The following ZDHHC15 variants were observed in gnomAD, a reference collection of about 807,000 sequenced individuals.
ZDHHC15 encodes the protein zDHHC palmitoyltransferase 15.
In ZDHHC15, 19 loss-of-function variants were observed where a neutral mutation model predicts 31.7. The observed-to-expected ratio is 0.60, with a 90% CI of 0.42 to 0.88. ZDHHC15 has a LOEUF of 0.88. Ranked by LOEUF, ZDHHC15 falls within the 40% of genes least tolerant of loss-of-function variation. The pLI is 0.00. For synonymous variants in ZDHHC15, 103 were observed against 90.0 expected (o/e 1.14, Z -0.82); for missense variants, 209 against 251.2 (o/e 0.83, Z 1.14).
At chrX:75,403,491 G>C (rs2083379334) in intron 10 of ZDHHC15, among the ~76,000 whole-genome samples, 1 of 111,628 alleles carries the variant, frequency 9.0e-6, no homozygotes, top group Non-Finnish European at 1.9e-5. Context: ...CCATAGTCTT[G>C]GCCAAAAGCT....
At chrX:75,470,096 C>T (rs1290067825) in intron 3 of ZDHHC15, among the ~76,000 whole-genome samples, 1 of 111,269 alleles carries the variant, frequency 9.0e-6, no homozygotes, top group African/African-American at 3.3e-5. Flanking sequence ...AAGGCTGCTG[C>T]CAAAGGAGAT....
intron 10 of ZDHHC15, among the ~76,000 whole-genome samples, chrX:75,395,981 T>C (rs758013054): frequency 8.9e-6 from 1 of 112,365 alleles, no homozygotes; most frequent in Non-Finnish European, 1.9e-5. Flanking sequence ...TCTTTCCATA[T>C]ATAAAAGTCA....
intron 2 of ZDHHC15, among the ~76,000 whole-genome samples, chrX:75,480,588 T>C (rs1321526028): frequency 9.0e-6 from 1 of 111,258 alleles, no homozygotes; most frequent in Non-Finnish European, 1.9e-5. Context: ...CACAAAGCCA[T>C]GACTTTGTTG....
rs542944485 is a variant in ZDHHC15 at position 75,427,020 on chromosome X, A to G, written c.603+2058T>C. On this transcript the variant is annotated intron_variant, in intron 7 of 11. Transcript: ENST00000373367. ...GAAAGTGCTTCAAAAACTGTAAAGT[A>G]CCATACAAATGAAGGTTGCTATTGA... Among the ~76,000 whole-genome samples the G allele has an allele frequency of 2.0e-4, 22 of 112,224 alleles. No individual in the cohort carries two copies. In the South Asian group the frequency reaches 7.0e-3, roughly 36 times the overall value.
At chrX:75,446,284 G>A (rs1208812735) in intron 4 of ZDHHC15, among the ~76,000 whole-genome samples, 4 of 111,615 alleles carry the variant, frequency 3.6e-5, no homozygotes, top group Non-Finnish European at 5.6e-5. Flanking sequence ...GCTAAAACAC[G>A]ATGAAAAGGT....
intron 1 of ZDHHC15, among the ~76,000 whole-genome samples, chrX:75,519,031 T>C (rs2085408841): frequency 9.2e-6 from 1 of 108,216 alleles, no homozygotes; most frequent in African/African-American, 3.4e-5. Context: ...GATTAATAAT[T>C]GGCTAGGACT....
In ZDHHC15 at chrX:75,431,525, A is replaced by T; in HGVS notation, c.380-5T>A. 1 of 628,767 alleles carries T rather than the reference A, an allele frequency of 1.6e-6. No individual in the cohort carries two copies. Among genetic ancestry groups the T allele is most frequent in the Non-Finnish European group, 2.2e-6 (1 of 453,427 alleles). 51.8% of individuals were successfully genotyped at this position (628,767 alleles called of 1,213,427 possible). A position where few individuals can be genotyped will look rare whatever the true frequency, so the allele number is the denominator to read the frequency against. ...ACCGGTCACAGAATCGTACAGCTATAAAAAAAAAAATAAGGTGGTTAGCAC... is the reference window on the plus strand; with the variant it reads ...ACCGGTCACAGAATCGTACAGCTATTAAAAAAAAAATAAGGTGGTTAGCAC... On this transcript the variant is annotated splice_region_variant and splice_polypyrimidine_tract_variant and intron_variant, in intron 4 of 11. Coordinates refer to ENST00000373367, the MANE Select transcript of ZDHHC15 (RefSeq NM_144969.3).
chrX:75,444,923 C>T (rs2084012630), intron 4 of ZDHHC15, among the ~76,000 whole-genome samples: 2 of 108,197 alleles, frequency 1.8e-5, no homozygotes, highest in African/African-American at 6.8e-5. Flanking sequence ...GAACTTTAGA[C>T]TCAAACTGGA....
chrX:75,458,991 CAA>C (rs775652299), intron 3 of ZDHHC15, among the ~76,000 whole-genome samples: 11 of 15,692 alleles, frequency 7.0e-4, no homozygotes, highest in African/African-American at 1.4e-3. Context: ...GGCACAGAGA[CAA>C]AAAAAAAAAA....
chrX:75,470,425 T>C (rs1185699973), intron 3 of ZDHHC15, among the ~76,000 whole-genome samples: 2 of 110,708 alleles, frequency 1.8e-5, no homozygotes, highest in African/African-American at 3.3e-5. Context: ...GGCGAGGAGT[T>C]TAGTGACTCT....
intron 3 of ZDHHC15, among the ~76,000 whole-genome samples, chrX:75,461,812 G>A (rs746360444): frequency 1.8e-5 from 2 of 111,581 alleles, no homozygotes; most frequent in East Asian, 5.6e-4. Flanking sequence ...ACTGTTACAA[G>A]TCACTACAAA....
chrX:75,479,329 C>T (rs754731810), intron 2 of ZDHHC15, among the ~76,000 whole-genome samples: 1 of 111,880 alleles, frequency 8.9e-6, no homozygotes, highest in African/African-American at 3.2e-5. Flanking sequence ...ATTTACACAG[C>T]ACTTTAGAGT....
At chrX:75,503,552 A>T (rs974382579) in intron 2 of ZDHHC15, among the ~76,000 whole-genome samples, 3 of 111,281 alleles carry the variant, frequency 2.7e-5, no homozygotes, top group Non-Finnish European at 3.8e-5. Context: ...ACCATGAAAG[A>T]TCACAGAGGA....
In ZDHHC15 at chrX:75,474,172, C is replaced by G. The variant is rs190123579; in HGVS notation, c.258+4719G>C. ...ATTTGAGTCAGTAGGCTTGGGAAGG[C>G]AGACCCACCCTTAATCTGGATGGGC... On this transcript the variant is annotated intron_variant, in intron 3 of 11. Coordinates refer to ENST00000373367, the MANE Select transcript of ZDHHC15 (RefSeq NM_144969.3). Among the ~76,000 whole-genome samples the G allele has an allele frequency of 4.5e-5, 5 of 110,365 alleles. No homozygotes were observed. In the East Asian group the frequency reaches 1.4e-3, roughly 32 times the overall value.
chrX:75,369,685 T>C lies in ZDHHC15; in HGVS notation c.*3293A>G, dbSNP rs185842974. ...AAAAATATGTGTCACATGGGGCTAG[T>C]AGGGGAAAGAGGCACATATTGCATT... On this transcript the variant is annotated 3_prime_UTR_variant, in exon 12 of 12. Transcript: ENST00000373367. The C allele has an allele frequency of 1.8e-5, 2 of 111,661 alleles. No individual in the cohort carries two copies. Among genetic ancestry groups the C allele is most frequent in the African/African-American group, 3.3e-5 (1 of 30,703 alleles). The allele number at this position is 111,661 out of a possible 1,213,427, so 9.2% of individuals were successfully genotyped here.
At chrX:75,441,633 T>C (rs2083942141) in intron 4 of ZDHHC15, among the ~76,000 whole-genome samples, 1 of 105,775 alleles carries the variant, frequency 9.5e-6, no homozygotes, top group African/African-American at 3.5e-5. Flanking sequence ...TTTTTTTTTT[T>C]TTTTTCCTGA....
chrX:75,421,980 G>A lies in ZDHHC15; in HGVS notation c.747C>T (p.Cys249=), dbSNP rs147278537. The change falls in exon 9 of 12, where the codon TGC becomes TGT. Residue 249 remains cysteine (C), a synonymous_variant. Transcript: ENST00000373367. ...SRNKTTLEAF[C]TPVFTSGPEK... ...CTGGGCCACTTGTAAACACTGGAGT[G>A]CAGAAGGCCTCTAAGGCAGGGCAGG... 1,054 of 1,206,364 alleles carry A rather than the reference G, an allele frequency of 8.7e-4. No individual in the cohort carries two copies. Among genetic ancestry groups the A allele is most frequent in the Non-Finnish European group, 1.1e-3 (951 of 893,633 alleles).
chrX:75,401,518 T>C (rs931154405), intron 10 of ZDHHC15, among the ~76,000 whole-genome samples: 1 of 111,471 alleles, frequency 9.0e-6, no homozygotes, highest in East Asian at 2.8e-4. Context: ...TAATTACACT[T>C]ATAGGCTCAA....
At chrX:75,480,548 C>G (rs2147982853) in intron 2 of ZDHHC15, among the ~76,000 whole-genome samples, 1 of 110,992 alleles carries the variant, frequency 9.0e-6, no homozygotes, top group Non-Finnish European at 1.9e-5. Context: ...CCCCAGCCAC[C>G]CAGTTCTCCT....
Sources: allele counts gnomAD v4.1 joint callset (sites outside exome capture counted in the v4.1 genomes callset), GRCh38; gene constraint gnomAD v4.1.1; transcripts MANE v1.5; gene names NCBI Gene and HGNC (gene_info 2026-07-23, HGNC 2026-07-21).